The following RBFOX1 variants were observed in gnomAD, a reference collection of about 807,000 sequenced individuals.
RBFOX1 encodes the protein RNA binding protein fox-1 homolog 1.
RBFOX1 carries 8 observed loss-of-function variants against 57.7 expected under a neutral mutation model. The observed-to-expected ratio is 0.14, with a 90% confidence interval of 0.08 to 0.25. The LOEUF (loss-of-function observed/expected upper bound fraction) is 0.25. Among genes scored for constraint, RBFOX1 ranks in the 10% least tolerant of loss-of-function variants. The pLI is 1.00. For synonymous variants in RBFOX1, 326 were observed against 222.4 expected (o/e 1.47, Z -4.15); for missense variants, 611 against 548.5 (o/e 1.11, Z -1.14).
At chr16:7,641,114 G>C (rs2062716829) in intron 11 of RBFOX1, among the ~76,000 whole-genome samples, 1 of 152,166 alleles carries the variant, frequency 6.6e-6, no homozygotes, top group African/African-American at 2.4e-5. Flanking sequence ...CTTAGGAAGG[G>C]AGAGGCTGAA....
At chr16:6,899,145 A>T (rs1238679341) in intron 3 of RBFOX1, among the ~76,000 whole-genome samples, 4 of 150,516 alleles carry the variant, frequency 2.7e-5, no homozygotes, top group Non-Finnish European at 5.9e-5. Context: ...GTGTGTATGG[A>T]CACACGTGTA....
chr16:5,989,443 A>G (rs1013608951), intron 4 of RBFOX1, among the ~76,000 whole-genome samples: 13 of 152,280 alleles, frequency 8.5e-5, no homozygotes, highest in African/African-American at 2.9e-4. Flanking sequence ...ATGCTCAACA[A>G]TGTTGAATGT....
intron 3 of RBFOX1, among the ~76,000 whole-genome samples, chr16:6,888,726 T>A (rs1000311995): frequency 6.6e-6 from 1 of 152,156 alleles, no homozygotes; most frequent in Non-Finnish European, 1.5e-5. Flanking sequence ...CCATTGTAAG[T>A]ACACAGCAGC....
At chr16:7,004,627 A>T (rs2093137752) in intron 3 of RBFOX1, among the ~76,000 whole-genome samples, 1 of 152,242 alleles carries the variant, frequency 6.6e-6, no homozygotes, top group South Asian at 2.1e-4. Flanking sequence ...GTTTTCTTGA[A>T]AGCCTCAACA....
At chr16:6,953,784 T>G (rs1272151453) in intron 3 of RBFOX1, among the ~76,000 whole-genome samples, 2 of 152,200 alleles carry the variant, frequency 1.3e-5, no homozygotes, top group Non-Finnish European at 2.9e-5. Context: ...TCTTTGAATA[T>G]CAAGATTTCA....
At chr16:6,145,582 C>A (rs1183223101) in intron 1 of RBFOX1, among the ~76,000 whole-genome samples, 1 of 152,070 alleles carries the variant, frequency 6.6e-6, no homozygotes, top group Non-Finnish European at 1.5e-5. Flanking sequence ...TCCTATATTT[C>A]CTTTGGCATA....
chr16:6,871,443 C>T (rs1368856800), intron 3 of RBFOX1, among the ~76,000 whole-genome samples: 2 of 152,144 alleles, frequency 1.3e-5, no homozygotes, highest in African/African-American at 4.8e-5. Context: ...ACCTCAGCCT[C>T]CCAAATTGCT....
chr16:6,758,267 G>A (rs974278993), intron 3 of RBFOX1, among the ~76,000 whole-genome samples: 4 of 151,892 alleles, frequency 2.6e-5, no homozygotes, highest in African/African-American at 9.7e-5. Context: ...TGCTTTGTTG[G>A]TGTAAACTAG....
intron 2 of RBFOX1, among the ~76,000 whole-genome samples, chr16:6,579,348 C>A (rs1444589666): frequency 6.6e-6 from 1 of 152,006 alleles, no homozygotes; most frequent in East Asian, 1.9e-4. Flanking sequence ...GGACTATATG[C>A]ATGCACCACC....
intron 3 of RBFOX1, among the ~76,000 whole-genome samples, chr16:5,759,573 G>A (rs566695895): frequency 1.4e-4 from 22 of 152,268 alleles, no homozygotes; most frequent in Non-Finnish European, 2.6e-4. Context: ...GTATTTAATG[G>A]CACAGAACAT....
chr16:6,372,168 G>T (rs541490778), intron 2 of RBFOX1, among the ~76,000 whole-genome samples: 1 of 152,166 alleles, frequency 6.6e-6, no homozygotes, highest in African/African-American at 2.4e-5. Context: ...AGGGTTGTTG[G>T]GTAGAATGGA....
intron 3 of RBFOX1, among the ~76,000 whole-genome samples, chr16:6,802,430 A>T (rs957093223): frequency 7.9e-5 from 12 of 152,144 alleles, no homozygotes; most frequent in African/African-American, 2.9e-4. Flanking sequence ...TAATTCCAGC[A>T]CTTTGGGAGG....
chr16:7,270,767 A>G (rs2095299560), intron 4 of RBFOX1, among the ~76,000 whole-genome samples: 1 of 152,186 alleles, frequency 6.6e-6, no homozygotes, highest in South Asian at 2.1e-4. Flanking sequence ...TTCACCTTGC[A>G]TCTGTTAGCT....
chr16:6,399,578 A>G (rs1266542147), intron 2 of RBFOX1, among the ~76,000 whole-genome samples: 1 of 152,158 alleles, frequency 6.6e-6, no homozygotes, highest in East Asian at 1.9e-4. Context: ...GGAAGTTCCA[A>G]ACTTTGCCAC....
At chr16:6,092,880 T>A (rs2096196459) in intron 1 of RBFOX1, 1 of 152,194 alleles carries the variant, frequency 6.6e-6, no homozygotes, top group Non-Finnish European at 1.5e-5. Context: ...AGGCTCTTTT[T>A]TGGTTCTATA....
intron 4 of RBFOX1, among the ~76,000 whole-genome samples, chr16:7,114,077 C>T (rs540401856): frequency 7.9e-5 from 12 of 152,300 alleles, no homozygotes; most frequent in South Asian, 6.2e-4. Context: ...GCAAAATTTT[C>T]TCTCACCTCA....
intron 4 of RBFOX1, among the ~76,000 whole-genome samples, chr16:7,471,163 A>T (rs556240679): frequency 2.0e-5 from 3 of 152,232 alleles, no homozygotes; most frequent in South Asian, 2.1e-4. Flanking sequence ...ATTTTCTATG[A>T]TTTGTGAATA....
At chr16:7,056,414 G>A (rs1449926566) in intron 4 of RBFOX1, among the ~76,000 whole-genome samples, 1 of 152,086 alleles carries the variant, frequency 6.6e-6, no homozygotes, top group Non-Finnish European at 1.5e-5. Context: ...AGCTCACTAT[G>A]GAATCTGTGC....
chr16:5,316,306 G>A (rs939170921), intron 1 of RBFOX1, among the ~76,000 whole-genome samples: 1 of 152,332 alleles, frequency 6.6e-6, no homozygotes, highest in South Asian at 2.1e-4. Flanking sequence ...ACTTGCCTCA[G>A]TGTGGCATTG....
Sources: allele counts gnomAD v4.1 joint callset (sites outside exome capture counted in the v4.1 genomes callset), GRCh38; gene constraint gnomAD v4.1.1; transcripts MANE v1.5; gene names NCBI Gene and HGNC (gene_info 2026-07-23, HGNC 2026-07-21).